The following CAP2 variants were observed in gnomAD, a reference collection of about 807,000 sequenced individuals.
CAP2 encodes the protein adenylyl cyclase-associated protein 2.
In CAP2, 24 loss-of-function variants were observed where a neutral mutation model predicts 57.7. That is an observed-to-expected ratio of 0.42 (90% confidence interval 0.30 to 0.58). The LOEUF is 0.58. CAP2 is among the 20% of genes least tolerant of loss of function. The pLI is 0.22. For synonymous variants in CAP2, 194 were observed against 207.2 expected (o/e 0.94, Z 0.55); for missense variants, 501 against 590.3 (o/e 0.85, Z 1.57).
intron 3 of CAP2, among the ~76,000 whole-genome samples, chr6:17,435,934 G>A (rs1388347587): frequency 6.6e-6 from 1 of 152,078 alleles, no homozygotes; most frequent in African/African-American, 2.4e-5. Flanking sequence ...AAGTATATCT[G>A]AGGATAAATT....
intron 7 of CAP2, among the ~76,000 whole-genome samples, chr6:17,516,295 G>A (rs1489231255): frequency 1.3e-5 from 2 of 152,210 alleles, no homozygotes; most frequent in Non-Finnish European, 2.9e-5. Context: ...CCAGCCCCTA[G>A]TATAGTGCCT....
At chr6:17,537,992 G>A (rs1762812784) in intron 7 of CAP2, among the ~76,000 whole-genome samples, 2 of 152,064 alleles carry the variant, frequency 1.3e-5, no homozygotes, top group African/African-American at 4.8e-5. Flanking sequence ...GCTTGAACCT[G>A]GGAGACTGAT....
intron 4 of CAP2, among the ~76,000 whole-genome samples, chr6:17,500,493 C>T (rs973690152): frequency 3.3e-5 from 5 of 150,326 alleles, no homozygotes; most frequent in Non-Finnish European, 5.9e-5. Flanking sequence ...CTCAGCCTCC[C>T]GAAATACTGT....
intron 2 of CAP2, among the ~76,000 whole-genome samples, chr6:17,425,584 T>G (rs1001924725): frequency 2.0e-5 from 3 of 152,184 alleles, no homozygotes; most frequent in African/African-American, 7.2e-5. Context: ...TGGCTTTGGA[T>G]GACTCGGCTG....
intron 11 of CAP2, among the ~76,000 whole-genome samples, chr6:17,550,712 G>A (rs1477066745): frequency 2.0e-5 from 3 of 152,040 alleles, no homozygotes; most frequent in African/African-American, 7.2e-5. Flanking sequence ...AAAACTGATT[G>A]TTAGAAGAGA....
intron 7 of CAP2, among the ~76,000 whole-genome samples, chr6:17,527,597 C>CTTTTTTTTTTTTTTTTTTTT (rs10668941): frequency 7.6e-6 from 1 of 131,224 alleles, no homozygotes; most frequent in African/African-American, 2.9e-5. Flanking sequence ...TGTTCTCTTT[C>CTTTTTTTTTTTTTTTTTTTT]TTTTTTTTTT....
At chr6:17,394,900 G>C (rs760827551) in intron 1 of CAP2, among the ~76,000 whole-genome samples, 4 of 152,200 alleles carry the variant, frequency 2.6e-5, no homozygotes, top group Admixed American at 6.5e-5. Flanking sequence ...GTAATGGATA[G>C]ACAATAAAAG....
rs1489615826 is a variant in CAP2 at position 17,444,803 on chromosome 6, T to TA, written c.222+18113_222+18114insA. On this transcript the variant is annotated intron_variant, in intron 3 of 12. Coordinates refer to ENST00000229922, the MANE Select transcript of CAP2 (RefSeq NM_006366.3). ...CTCTGTAGATTTTTGTTTCTCTCTC[T>TA]CCACACACACACACACACACACACA... 4.2e-3 allele frequency among the ~76,000 whole-genome samples: 324 copies of TA among 76,630 alleles called. 2 individuals carry two copies. Among genetic ancestry groups the TA allele is most frequent in the Non-Finnish European group, 6.5e-3 (245 of 37,736 alleles). The allele number at this position is 76,630 out of a possible 152,430, so 50.3% of individuals were successfully genotyped here. A position where few individuals can be genotyped will look rare whatever the true frequency, so the allele number is the denominator to read the frequency against.
intron 1 of CAP2, among the ~76,000 whole-genome samples, chr6:17,417,576 C>T (rs193203006): frequency 1.1e-3 from 164 of 152,246 alleles, no homozygotes; most frequent in African/African-American, 3.8e-3. Flanking sequence ...GCCCCGGCTC[C>T]TAAAACAAAT....
chr6:17,542,997 T>G, intron 10 of CAP2, 37 bp downstream of exon 10: 1 of 1,612,660 alleles, frequency 6.2e-7, no homozygotes, highest in Non-Finnish European at 8.5e-7. Context: ...TATTATGATG[T>G]TTTATAAACA....
intron 7 of CAP2, among the ~76,000 whole-genome samples, chr6:17,516,264 T>C (rs969923844): frequency 2.6e-5 from 4 of 152,208 alleles, no homozygotes; most frequent in South Asian, 4.1e-4. Context: ...TCCCACTAGA[T>C]TGGAAACTCA....
At chr6:17,551,727 G>A (rs901096222) in intron 12 of CAP2, 123 bp downstream of exon 12, 11 of 713,100 alleles carry the variant, frequency 1.5e-5, no homozygotes, top group East Asian at 2.6e-5. Context: ...ACAGGCAGGC[G>A]AGGAATTCAG....
chr6:17,539,883 C>G (rs1762860726), intron 8 of CAP2, among the ~76,000 whole-genome samples: 1 of 152,052 alleles, frequency 6.6e-6, no homozygotes, highest in South Asian at 2.1e-4. Flanking sequence ...AGTTCAAGAC[C>G]AGCCTGGGCA....
chr6:17,507,291 T>C lies in CAP2; in HGVS notation c.423T>C (p.Pro141=), dbSNP rs769320896. 2.3e-5 allele frequency: 37 copies of C among 1,614,104 alleles called. No homozygotes were observed. Among genetic ancestry groups the C allele is most frequent in the Non-Finnish European group, 3.1e-5 (36 of 1,180,028 alleles). Residue 141 remains proline, a synonymous_variant, in exon 5 of 13, where the codon CCT becomes CCC. Coordinates refer to ENST00000229922, the MANE Select transcript of CAP2 (RefSeq NM_006366.3). ...TTTCGGCCGTCAGCGAAAGCATCCC[T>C]GCCCTTGGATGGATAGCTGTGGTGA... ...NHLSAVSESI[P]ALGWIAVSPK...
At chr6:17,541,450 C>A (rs1459944877) in intron 9 of CAP2, among the ~76,000 whole-genome samples, 1 of 151,876 alleles carries the variant, frequency 6.6e-6, no homozygotes, top group East Asian at 1.9e-4. Context: ...CATGGTGGCA[C>A]GTGCCTGTAA....
chr6:17,412,514 C>T (rs1043019440), intron 1 of CAP2, among the ~76,000 whole-genome samples: 1 of 152,146 alleles, frequency 6.6e-6, no homozygotes, highest in African/African-American at 2.4e-5. Flanking sequence ...AATTAAGATT[C>T]TCTAATCCCC....
intron 3 of CAP2, among the ~76,000 whole-genome samples, chr6:17,430,160 A>C (rs145294394): frequency 0.011 from 1,624 of 152,326 alleles, 14 homozygotes; most frequent in Non-Finnish European, 0.018. Context: ...GGCTTAATTT[A>C]CTGAACACTC....
chr6:17,425,948 A>T (rs1369437105), intron 2 of CAP2, among the ~76,000 whole-genome samples: 5 of 151,966 alleles, frequency 3.3e-5, no homozygotes, highest in Admixed American at 3.3e-4. Flanking sequence ...TACAAAAATT[A>T]ACAGAGCACG....
intron 7 of CAP2, among the ~76,000 whole-genome samples, chr6:17,529,679 C>T (rs1172145915): frequency 1.4e-5 from 2 of 146,018 alleles, no homozygotes; most frequent in Non-Finnish European, 3.0e-5. Context: ...TATGTATAAA[C>T]ACACCCTACA....
Sources: gnomAD v4.1 joint callset for allele counts (sites outside exome capture counted in the v4.1 genomes callset) on GRCh38, gnomAD v4.1.1 for gene constraint, MANE v1.5 for transcripts, NCBI Gene and HGNC (gene_info 2026-07-23, HGNC 2026-07-21) for gene names.